The following TBC1D22A variants were observed in gnomAD, a reference collection of about 807,000 sequenced individuals.
The protein encoded by TBC1D22A is TBC1 domain family member 22A, also known as putative GTPase activator.
TBC1D22A carries 38 observed loss-of-function variants against 60.2 expected under a neutral mutation model. The observed-to-expected ratio is 0.63, with a 90% CI of 0.49 to 0.83. The LOEUF is 0.83. Among genes scored for constraint, TBC1D22A ranks in the 40% least tolerant of loss-of-function variants. TBC1D22A has a pLI of 0.00. For missense variants in TBC1D22A, 628 were observed against 701.0 expected, an observed-to-expected ratio of 0.90 and a Z score of 1.18; for synonymous variants, 302 against 281.7, an observed-to-expected ratio of 1.07 and a Z score of -0.72.
chr22:47,138,827 C>T (rs531826238), intron 12 of TBC1D22A, among the ~76,000 whole-genome samples: 1 of 152,260 alleles, frequency 6.6e-6, no homozygotes, highest in South Asian at 2.1e-4. Flanking sequence ...GCCATGTCCT[C>T]ACACGGTGGA....
intron 11 of TBC1D22A, among the ~76,000 whole-genome samples, chr22:47,086,316 G>A (rs569665617): frequency 5.9e-5 from 9 of 152,304 alleles, no homozygotes; most frequent in Non-Finnish European, 8.8e-5. Context: ...TTAGCCGGGC[G>A]TGGTGGCAGG....
chr22:46,983,719 T>A (rs2074604898), intron 9 of TBC1D22A, among the ~76,000 whole-genome samples: 1 of 151,638 alleles, frequency 6.6e-6, no homozygotes, highest in Non-Finnish European at 1.5e-5. Context: ...TATATTTTAT[T>A]TTTTTTCTAC....
rs397868006 is a variant in TBC1D22A, at chr22:46,960,954, C to CAA, written c.1016-13314_1016-13313dup. ...TGGGAGACAGAGCGAGACACCATCT[C>CAA]AAAAAAAAAAAAAAAAAAAAAAAGA... On this transcript the variant is annotated intron_variant, in intron 8 of 12. Transcript: ENST00000337137. Among the ~76,000 whole-genome samples, 355 of 46,982 alleles carry CAA rather than the reference C, an allele frequency of 7.6e-3. 2 individuals carry two copies. Among genetic ancestry groups the CAA allele is most frequent in the Non-Finnish European group, 9.0e-3 (223 of 24,846 alleles). 30.8% of individuals were successfully genotyped at this position (46,982 alleles called of 152,430 possible).
At chr22:46,821,641 G>C (rs1052741882) in intron 4 of TBC1D22A, among the ~76,000 whole-genome samples, 4 of 152,158 alleles carry the variant, frequency 2.6e-5, no homozygotes, top group African/African-American at 9.7e-5. Flanking sequence ...TGGGTGACCT[G>C]GCCTTTCTCT....
chr22:46,855,663 G>A (rs114284779), intron 4 of TBC1D22A, among the ~76,000 whole-genome samples: 168 of 152,248 alleles, frequency 1.1e-3, no homozygotes, highest in African/African-American at 3.7e-3. Flanking sequence ...AGACAGAAGC[G>A]CTCTGGGGCA....
intron 8 of TBC1D22A, among the ~76,000 whole-genome samples, chr22:46,947,342 G>T (rs1469259001): frequency 1.3e-5 from 2 of 152,142 alleles, no homozygotes; most frequent in East Asian, 3.9e-4. Context: ...GGTCATCCGA[G>T]TAGAGCCATT....
chr22:46,946,813 A>T (rs965089123), intron 8 of TBC1D22A, among the ~76,000 whole-genome samples: 24 of 152,156 alleles, frequency 1.6e-4, no homozygotes, highest in African/African-American at 5.8e-4. Flanking sequence ...TGACTGCATT[A>T]GGAAGTGCAT....
At chr22:46,769,015 A>G (rs565509007) in intron 1 of TBC1D22A, among the ~76,000 whole-genome samples, 16 of 146,096 alleles carry the variant, frequency 1.1e-4, no homozygotes, top group Admixed American at 8.6e-4. Flanking sequence ...AATCATTTGA[A>G]TCTGGGAGGT....
intron 11 of TBC1D22A, among the ~76,000 whole-genome samples, chr22:47,091,212 T>C (rs2064944783): frequency 7.1e-6 from 1 of 141,820 alleles, no homozygotes; most frequent in South Asian, 2.4e-4. Flanking sequence ...TGCGTGTTGA[T>C]AGAGACAGGC....
At chr22:46,916,711 G>A (rs2147813310) in intron 8 of TBC1D22A, among the ~76,000 whole-genome samples, 1 of 152,338 alleles carries the variant, frequency 6.6e-6, no homozygotes, top group South Asian at 2.1e-4. Context: ...GCCTGTCATT[G>A]GAGAAAGAGG....
At chr22:47,136,997 G>A (rs952636900) in intron 12 of TBC1D22A, among the ~76,000 whole-genome samples, 6 of 152,146 alleles carry the variant, frequency 3.9e-5, no homozygotes, top group East Asian at 1.9e-4. Context: ...AGCAAACCTG[G>A]TCCCGGGCCC....
At chr22:47,042,340 GCTGTGGCAGTGGGGGCGCCATGGCT>G (rs1318527046) in intron 11 of TBC1D22A, among the ~76,000 whole-genome samples, 3 of 152,206 alleles carry the variant, frequency 2.0e-5, no homozygotes, top group Non-Finnish European at 2.9e-5. Context: ...CCATCAGTGC[GCTGTGGCAGTGGGGGCGCCATGGCT>G]CCCGGTCTGT....
Position 46,766,083 on chromosome 22 carries a change from C to T in TBC1D22A, c.62+3235C>T, listed in dbSNP as rs1252432759. Reference sequence around the variant, plus strand: ...TGCGATCTCGGCTCACTGCAAGCTCCGCCTCCCGGGTTCACGCCATTTTCC... The same window carrying T: ...TGCGATCTCGGCTCACTGCAAGCTCTGCCTCCCGGGTTCACGCCATTTTCC... On this transcript the variant is annotated intron_variant, in intron 1 of 12. Coordinates refer to ENST00000337137, the MANE Select transcript of TBC1D22A (RefSeq NM_014346.5). Among the ~76,000 whole-genome samples the T allele has an allele frequency of 3.3e-5, 5 of 151,246 alleles. No homozygotes were observed. In the East Asian group the frequency reaches 7.8e-4, roughly 24 times the overall value.
chr22:47,035,658 G>A (rs894306591), intron 10 of TBC1D22A, among the ~76,000 whole-genome samples: 2 of 152,158 alleles, frequency 1.3e-5, no homozygotes, highest in African/African-American at 2.4e-5. Flanking sequence ...GACAGTGAGG[G>A]CAGAGACAGT....
At chr22:46,891,236 A>G (rs1353620494) in intron 5 of TBC1D22A, 30 bp from the exon 6 acceptor site, 4 of 1,589,768 alleles carry the variant, frequency 2.5e-6, no homozygotes, top group East Asian at 2.3e-5. Flanking sequence ...AGCTATAACC[A>G]TGTATATTTT....
intron 10 of TBC1D22A, among the ~76,000 whole-genome samples, chr22:47,004,893 CT>C (rs995349249): frequency 2.6e-5 from 4 of 151,882 alleles, no homozygotes; most frequent in East Asian, 1.9e-4. Context: ...ACACACACCC[CT>C]ATATATACAT....
chr22:46,932,720 CTTTTTTTTTT>C (rs67463903), intron 8 of TBC1D22A, among the ~76,000 whole-genome samples: 1 of 66,322 alleles, frequency 1.5e-5, no homozygotes, highest in African/African-American at 6.8e-5. Flanking sequence ...GTCCTTCTTG[CTTTTTTTTTT>C]TTTTTTTTTT....
At chr22:47,091,285 CA>C in intron 11 of TBC1D22A, among the ~76,000 whole-genome samples, 2 of 88,102 alleles carry the variant, frequency 2.3e-5, no homozygotes, top group South Asian at 4.4e-4. Context: ...TTGATAGAGA[CA>C]GGCACGAGAA....
At chr22:47,048,230 G>C (rs2063093150) in intron 11 of TBC1D22A, among the ~76,000 whole-genome samples, 1 of 152,122 alleles carries the variant, frequency 6.6e-6, no homozygotes, top group African/African-American at 2.4e-5. Context: ...GTGTGGTTTT[G>C]GGGTTTCACA....
Sources: allele counts gnomAD v4.1 joint callset (sites outside exome capture counted in the v4.1 genomes callset), GRCh38; gene constraint gnomAD v4.1.1; transcripts MANE v1.5; gene names NCBI Gene and HGNC (gene_info 2026-07-23, HGNC 2026-07-21).